Variants in LINGO2 observed in about 807,000 individuals in gnomAD.
LINGO2 encodes the protein leucine rich repeat and Ig domain containing 2.
Under a neutral mutation model 30.6 loss-of-function variants are expected in LINGO2, and 14 were observed. The observed-to-expected ratio is 0.46, with a 90% confidence interval of 0.30 to 0.72. The LOEUF (loss-of-function observed/expected upper bound fraction) is 0.72. Ranked by LOEUF, LINGO2 falls within the 30% of genes least tolerant of loss-of-function variation. The pLI, the probability that LINGO2 is intolerant of heterozygous loss-of-function variation, is 0.07. For synonymous variants in LINGO2, 317 were observed against 288.5 expected (o/e 1.10, Z -1.00); for missense variants, 729 against 751.7 (o/e 0.97, Z 0.35).
chr9:28,433,430 G>A (rs561649789), intron 2 of LINGO2, among the ~76,000 whole-genome samples: 29 of 152,110 alleles, frequency 1.9e-4, no homozygotes, highest in African/African-American at 4.8e-4. Flanking sequence ...AGTAAGAAAC[G>A]TCCCCTCTAC....
chr9:28,385,072 C>G (rs573300552), intron 2 of LINGO2, among the ~76,000 whole-genome samples: 1 of 152,226 alleles, frequency 6.6e-6, no homozygotes, highest in East Asian at 1.9e-4. Context: ...AAGCTAGACA[C>G]TGGGGTACAG....
intron 4 of LINGO2, among the ~76,000 whole-genome samples, chr9:28,033,102 T>G (rs1312686347): frequency 6.6e-6 from 1 of 152,208 alleles, no homozygotes; most frequent in Non-Finnish European, 1.5e-5. Context: ...ACCCTCTGCA[T>G]TTGCTGCTAT....
At chr9:28,039,391 C>T (rs1184250755) in intron 4 of LINGO2, among the ~76,000 whole-genome samples, 4 of 152,130 alleles carry the variant, frequency 2.6e-5, no homozygotes, top group South Asian at 2.1e-4. Flanking sequence ...TAAGAGAACA[C>T]GTTATTGCAT....
At chr9:28,021,012 G>GT (rs1309969260) in intron 4 of LINGO2, among the ~76,000 whole-genome samples, 1 of 151,262 alleles carries the variant, frequency 6.6e-6, no homozygotes, top group Non-Finnish European at 1.5e-5. Flanking sequence ...TCTTTTCTTT[G>GT]TTTTCTTTCT....
chr9:28,445,104 A>T (rs995902195), intron 2 of LINGO2, among the ~76,000 whole-genome samples: 2 of 152,322 alleles, frequency 1.3e-5, no homozygotes, highest in Non-Finnish European at 2.9e-5. Context: ...CAGGGTCCAG[A>T]GCCTGTGCTC....
the LINGO2 span, among the ~76,000 whole-genome samples, chr9:28,840,618 C>A: frequency 6.6e-6 from 1 of 151,752 alleles, no homozygotes; most frequent in African/African-American, 2.4e-5. Context: ...GGATGGGACA[C>A]AATGTTAGGA....
At chr9:28,948,633 G>C in the LINGO2 span, among the ~76,000 whole-genome samples, 6 of 151,962 alleles carry the variant, frequency 3.9e-5, no homozygotes, top group Non-Finnish European at 5.9e-5. Flanking sequence ...ACATTTATTT[G>C]CCAGGCTAGG....
the LINGO2 span, among the ~76,000 whole-genome samples, chr9:28,945,743 G>A: frequency 4.6e-5 from 7 of 152,128 alleles, no homozygotes; most frequent in Non-Finnish European, 8.8e-5. Flanking sequence ...TAAATCTTGA[G>A]AACTGTTGCC....
intron 5 of LINGO2, among the ~76,000 whole-genome samples, chr9:27,965,800 C>A (rs868658943): frequency 3.3e-5 from 5 of 152,098 alleles, no homozygotes; most frequent in South Asian, 4.2e-4. Flanking sequence ...GCTTTGAGGT[C>A]TCTTTGAAAT....
At chr9:28,755,731 T>C in the LINGO2 span, among the ~76,000 whole-genome samples, 13 of 152,068 alleles carry the variant, frequency 8.5e-5, no homozygotes, top group Admixed American at 2.6e-4. Flanking sequence ...TACAGATCGT[T>C]TTCAACAGAA....
At chr9:28,959,339 G>T in the LINGO2 span, among the ~76,000 whole-genome samples, 1 of 151,912 alleles carries the variant, frequency 6.6e-6, no homozygotes, top group Non-Finnish European at 1.5e-5. Context: ...ATAATAATTG[G>T]GAAATAAATT....
At chr9:29,196,332 A>G in the LINGO2 span, among the ~76,000 whole-genome samples, 2 of 152,090 alleles carry the variant, frequency 1.3e-5, no homozygotes, top group African/African-American at 2.4e-5. Context: ...TTTATCATGT[A>G]TAAGACATCT....
At chr9:28,582,616 A>G (rs1260954149) in intron 1 of LINGO2, among the ~76,000 whole-genome samples, 1 of 152,038 alleles carries the variant, frequency 6.6e-6, no homozygotes, top group African/African-American at 2.4e-5. Flanking sequence ...ACTCTAACAT[A>G]GCTAAAGTCC....
chr9:28,444,412 G>A (rs572412041), intron 2 of LINGO2, among the ~76,000 whole-genome samples: 1 of 152,344 alleles, frequency 6.6e-6, no homozygotes, highest in East Asian at 1.9e-4. Flanking sequence ...GCAAGCCCAT[G>A]AGTTGTGGGC....
chr9:28,542,743 G>C (rs1821755870), intron 1 of LINGO2, among the ~76,000 whole-genome samples: 2 of 152,002 alleles, frequency 1.3e-5, no homozygotes, highest in South Asian at 4.1e-4. Context: ...GTTTAGTTGT[G>C]ATTTCCATGG....
At chr9:27,987,835 C>G (rs1821197159) in intron 5 of LINGO2, among the ~76,000 whole-genome samples, 1 of 151,866 alleles carries the variant, frequency 6.6e-6, no homozygotes, top group South Asian at 2.1e-4. Flanking sequence ...AATCCCAAAC[C>G]AAATTGACCT....
At chr9:28,433,949 C>CTATATATATATATATATATATA (rs375073572) in intron 2 of LINGO2, among the ~76,000 whole-genome samples, 69 of 88,466 alleles carry the variant, frequency 7.8e-4, no homozygotes, top group African/African-American at 3.1e-3. Context: ...CTCTCTCTCT[C>CTATATATATATATATATATATA]TATATATATA....
chr9:29,005,798 T>C, the LINGO2 span, among the ~76,000 whole-genome samples: 1 of 152,030 alleles, frequency 6.6e-6, no homozygotes, highest in African/African-American at 2.4e-5. Context: ...GTATAATTGG[T>C]CTTGTGCTGT....
At chr9:28,480,855 CA>C (rs1825934507) in intron 1 of LINGO2, among the ~76,000 whole-genome samples, 1 of 152,016 alleles carries the variant, frequency 6.6e-6, no homozygotes, top group South Asian at 2.1e-4. Context: ...CCTGAAGAAA[CA>C]AAAGGCATTG....
Sources: allele counts gnomAD v4.1 joint callset (sites outside exome capture counted in the v4.1 genomes callset), GRCh38; gene constraint gnomAD v4.1.1; transcripts MANE v1.5; gene names NCBI Gene and HGNC (gene_info 2026-07-23, HGNC 2026-07-21).